CBFA2T3: variants seen among roughly 807,000 people sequenced by gnomAD.
CBFA2T3 encodes the protein transcriptional corepressor CBFA2T3.
CBFA2T3 carries 31 observed loss-of-function variants against 58.6 expected under a neutral mutation model. The observed-to-expected ratio is 0.53, with a 90% CI of 0.40 to 0.71. CBFA2T3 has a LOEUF of 0.71. CBFA2T3 is among the 30% of genes least tolerant of loss of function. The probability of loss-of-function intolerance (pLI) is 0.00; values close to 1 mark genes in which losing one functional copy is unlikely to be tolerated. For missense variants in CBFA2T3, 1,076 were observed against 963.1 expected, an observed-to-expected ratio of 1.12 and a Z score of -1.55; for synonymous variants, 531 against 421.9, an observed-to-expected ratio of 1.26 and a Z score of -3.17.
chr16:88,937,368 C>T (rs1971539284), intron 1 of CBFA2T3: 1 of 152,508 alleles, frequency 6.6e-6, no homozygotes, highest in Admixed American at 6.5e-5. Context: ...CTCAAGCGGC[C>T]TGCACCTCCC....
At chr16:88,900,853 A>G (rs113633097) in intron 2 of CBFA2T3, among the ~76,000 whole-genome samples, 3 of 152,224 alleles carry the variant, frequency 2.0e-5, no homozygotes, top group Admixed American at 6.5e-5. Flanking sequence ...AGGGCCCACC[A>G]TCGGCGGCTC....
chr16:88,970,623 G>A (rs374979348), intron 1 of CBFA2T3, among the ~76,000 whole-genome samples: 11 of 152,382 alleles, frequency 7.2e-5, no homozygotes, highest in African/African-American at 2.6e-4. Flanking sequence ...CAGGGCCTGA[G>A]TTCCTGGGAA....
intron 3 of CBFA2T3, among the ~76,000 whole-genome samples, chr16:88,893,851 C>T (rs370096955): frequency 6.6e-6 from 1 of 152,188 alleles, no homozygotes; most frequent in African/African-American, 2.4e-5. Context: ...GCCTGGGACA[C>T]CCGCACCCCG....
chr16:88,925,990 G>A (rs557567142), intron 1 of CBFA2T3, among the ~76,000 whole-genome samples: 120 of 152,316 alleles, frequency 7.9e-4, no homozygotes, highest in African/African-American at 2.7e-3. Flanking sequence ...CTGCAGCCTC[G>A]AACTGGCACC....
chr16:88,877,121 G>T lies in CBFA2T3; in HGVS notation c.1817C>A (p.Pro606Gln), dbSNP rs546958458. The T allele has an allele frequency of 2.0e-5, 31 of 1,548,156 alleles. No individual in the cohort carries two copies. The highest frequency in any genetic ancestry group is 1.8e-4 in the South Asian group (15 of 83,966). ...GGCGGCTTCGGGCGGTCCAGGCACC[G>T]GGTCGGCCACCACGGCTGTGGGGCC... Reference protein sequence around the residue: ...LQGPTAVVADPVPGPPEAAHS... With the variant: ...LQGPTAVVADQVPGPPEAAHS... Residue 606 changes from proline to glutamine, a missense_variant, in exon 12 of 12, where the codon CCG (proline) becomes CAG (glutamine). By Grantham distance (76) the Pro-to-Gln change is moderately conservative (BLOSUM62 -1). Transcript: ENST00000268679.
In CBFA2T3 at chr16:88,877,036, C is replaced by G; in HGVS notation, c.1902G>C (p.Ala634=). 6.6e-7 allele frequency: 1 copy of G among 1,507,576 alleles called. No individual in the cohort carries two copies. Among genetic ancestry groups the G allele is most frequent in the Non-Finnish European group, 8.9e-7 (1 of 1,129,416 alleles). 93.4% of individuals were successfully genotyped at this position (1,507,576 alleles called of 1,614,324 possible). ...GAASPSEAGS[A]GPSRPGSPSP... ...TGGGGGAGCCGGGGCGAGAAGGCCC[C>G]GCAGAGCCGGCTTCGCTGGGGCTGG... Residue 634 remains alanine, a synonymous_variant, in exon 12 of 12, where the codon GCG becomes GCC. Coordinates refer to ENST00000268679, the MANE Select transcript of CBFA2T3 (RefSeq NM_005187.6).
chr16:88,923,836 C>T lies in CBFA2T3; in HGVS notation c.152-22180G>A, dbSNP rs557070983. 3.4e-3 allele frequency among the ~76,000 whole-genome samples: 516 copies of T among 152,292 alleles called. 2 individuals are homozygous for T. Among genetic ancestry groups the T allele is most frequent in the African/African-American group, 0.012 (493 of 41,560 alleles). On this transcript the variant is annotated intron_variant, in intron 1 of 11. Transcript: ENST00000268679. The stretch of plus-strand genomic sequence containing the variant: ...AAGACCAGAATGCCGAACCCACCCC[C>T]GAGGACCGTCCTCTCTCAAAGGTGG...
Position 88,877,117 on chromosome 16 carries a change from C to T in CBFA2T3, c.1821G>A (p.Val607=). Residue 607 remains valine, a synonymous_variant, in exon 12 of 12, where the codon GTG becomes GTA. Coordinates refer to ENST00000268679, the MANE Select transcript of CBFA2T3 (RefSeq NM_005187.6). ...QGPTAVVADP[V]PGPPEAAHSL... ...TGTGGGCGGCTTCGGGCGGTCCAGG[C>T]ACCGGGTCGGCCACCACGGCTGTGG... The T allele has an allele frequency of 6.5e-7, 1 of 1,547,750 alleles. No individual in the cohort carries two copies. The highest frequency in any genetic ancestry group is 2.4e-5 in the East Asian group (1 of 40,910).
intron 1 of CBFA2T3, among the ~76,000 whole-genome samples, chr16:88,923,740 C>T (rs1054189406): frequency 3.9e-5 from 6 of 152,146 alleles, no homozygotes; most frequent in South Asian, 2.1e-4. Context: ...ACATGGAGGT[C>T]GGCTTTGGAA....
At chr16:88,891,044 C>T (rs1255277577) in intron 5 of CBFA2T3, among the ~76,000 whole-genome samples, 2 of 152,120 alleles carry the variant, frequency 1.3e-5, no homozygotes, top group Admixed American at 1.3e-4. Context: ...TGACAAGCCC[C>T]GCGTGCTGCC....
chr16:88,882,702 C>G lies in CBFA2T3; in HGVS notation c.1177G>C (p.Ala393Pro). 6.3e-7 allele frequency: 1 copy of G among 1,589,172 alleles called. No homozygotes were observed. The highest frequency in any genetic ancestry group is 8.6e-7 in the Non-Finnish European group (1 of 1,167,978). Residue 393 changes from alanine to proline, a missense_variant, in exon 8 of 12, where the codon GCA (alanine) becomes CCA (proline). Transcript: ENST00000268679. ...TTGTTGAGGTGCTTCCACTCTTCTG[C>G]CCACTCACGCTCTGTGAGCTTGTGG... ...IDHKLTEREW[A>P]EEWKHLNNLL...
At chr16:88,878,520 C>T (rs1321628865) in intron 11 of CBFA2T3, among the ~76,000 whole-genome samples, 2 of 152,266 alleles carry the variant, frequency 1.3e-5, no homozygotes, top group Admixed American at 1.3e-4. Flanking sequence ...CCCCGCCTGC[C>T]TCCCAGGTGC....
At chr16:88,939,584 G>C (rs1288292712) in intron 1 of CBFA2T3, 1 of 152,274 alleles carries the variant, frequency 6.6e-6, no homozygotes, top group Admixed American at 6.5e-5. Context: ...GCTGTCGGCC[G>C]CACAGAACAG....
chr16:88,943,007 G>A (rs570303331), intron 1 of CBFA2T3, among the ~76,000 whole-genome samples: 1 of 152,340 alleles, frequency 6.6e-6, no homozygotes, highest in Non-Finnish European at 1.5e-5. Flanking sequence ...ATCCATCCTG[G>A]CTCCCTGGCT....
At chr16:88,921,175 T>C (rs189790969) in intron 1 of CBFA2T3, among the ~76,000 whole-genome samples, 345 of 152,392 alleles carry the variant, frequency 2.3e-3, no homozygotes, top group Non-Finnish European at 3.8e-3. Flanking sequence ...GAAAATATTT[T>C]TAAAAATGTG....
intron 4 of CBFA2T3, 60 bp downstream of exon 4, chr16:88,892,183 AC>A: frequency 6.4e-7 from 1 of 1,562,176 alleles, no homozygotes; most frequent in Non-Finnish European, 8.7e-7. Context: ...CGTGGCTGCA[AC>A]CTCATTAAAC....
chr16:88,904,847 T>G (rs1395552213), intron 1 of CBFA2T3, among the ~76,000 whole-genome samples: 2 of 152,146 alleles, frequency 1.3e-5, no homozygotes, highest in Non-Finnish European at 2.9e-5. Context: ...TCACTTTCCT[T>G]CCTCTGTACA....
Position 88,977,027 on chromosome 16 carries a change from C to G in CBFA2T3, c.-220G>C. 2.1e-6 allele frequency: 1 copy of G among 479,644 alleles called. No homozygotes were observed. Among genetic ancestry groups the G allele is most frequent in the East Asian group, 3.1e-5 (1 of 31,974 alleles). 29.7% of individuals were successfully genotyped at this position (479,644 alleles called of 1,614,324 possible). ...GGTGGGAGCCCTGGGGCTCATGTGA[C>G]GCGGGGCGGGCCTGGGGCTGCAGGC... On this transcript the variant is annotated 5_prime_UTR_variant, in exon 1 of 12. Transcript: ENST00000268679.
chr16:88,939,032 T>A (rs1277617596), intron 1 of CBFA2T3: 1 of 152,142 alleles, frequency 6.6e-6, no homozygotes, highest in African/African-American at 2.4e-5. Context: ...TCTTGGGGAT[T>A]AGTGACCCAG....
Sources: gnomAD v4.1 joint callset for allele counts (sites outside exome capture counted in the v4.1 genomes callset) on GRCh38, gnomAD v4.1.1 for gene constraint, MANE v1.5 for transcripts, NCBI Gene and HGNC (gene_info 2026-07-23, HGNC 2026-07-21) for gene names.